LYPD6B: variants seen among roughly 807,000 people sequenced by gnomAD.
LYPD6B encodes LY6/PLAUR domain containing 6B.
In LYPD6B, 17 loss-of-function variants were observed where a neutral mutation model predicts 22.8. The ratio of observed to expected loss-of-function variants is 0.75; its 90% CI spans 0.51 to 1.12. The LOEUF (loss-of-function observed/expected upper bound fraction) is 1.12, where lower values mean the gene tolerates loss of function less well. Among genes scored for constraint, LYPD6B ranks in the 50% most tolerant of loss-of-function variants. The probability of loss-of-function intolerance (pLI) is 0.00; values close to 1 mark genes in which losing one functional copy is unlikely to be tolerated. For synonymous variants in LYPD6B, 106 were observed against 91.6 expected, an observed-to-expected ratio of 1.16 and a Z score of -0.90; for missense variants, 221 against 258.3, an observed-to-expected ratio of 0.86 and a Z score of 0.99.
At chr2:149,187,485 C>T (rs1692193670) in intron 3 of LYPD6B, 7 of 1,512,630 alleles carry the variant, frequency 4.6e-6, no homozygotes, top group Non-Finnish European at 6.2e-6. Flanking sequence ...AAAGGAAATG[C>T]AGAAGAGATA....
chr2:149,071,940 CT>C (rs370201272), intron 1 of LYPD6B, among the ~76,000 whole-genome samples: 2 of 151,082 alleles, frequency 1.3e-5, no homozygotes, highest in African/African-American at 4.9e-5. Flanking sequence ...TTTTACCCCC[CT>C]TTTTTTTTGA....
chr2:149,162,153 A>G (rs1690106080), intron 3 of LYPD6B, among the ~76,000 whole-genome samples: 1 of 152,184 alleles, frequency 6.6e-6, no homozygotes. Flanking sequence ...TGTCAGGATC[A>G]TCATCATCAT....
At chr2:149,073,930 G>T (rs147231525) in intron 1 of LYPD6B, among the ~76,000 whole-genome samples, 1 of 152,154 alleles carries the variant, frequency 6.6e-6, no homozygotes, top group Non-Finnish European at 1.5e-5. Flanking sequence ...GAAAGGAGAA[G>T]GAGGACAGAA....
intron 2 of LYPD6B, among the ~76,000 whole-genome samples, chr2:149,151,189 G>GT (rs1292154878): frequency 2.6e-5 from 4 of 152,228 alleles, no homozygotes; most frequent in Non-Finnish European, 5.9e-5. Context: ...GGGCTCTCCT[G>GT]TAGGCGCTGG....
intron 1 of LYPD6B, among the ~76,000 whole-genome samples, chr2:149,052,806 A>G (rs1466295853): frequency 1.3e-5 from 2 of 152,198 alleles, no homozygotes; most frequent in Non-Finnish European, 2.9e-5. Flanking sequence ...TAAAATAACA[A>G]TGTTCTTTTA....
At chr2:149,214,456 G>A in intron 6 of LYPD6B, 90 bp from the exon 7 acceptor site, 2 of 1,374,506 alleles carry the variant, frequency 1.5e-6, no homozygotes, top group Non-Finnish European at 2.0e-6. Context: ...TTCAGATAGA[G>A]CTCAAGAAGC....
intron 1 of LYPD6B, among the ~76,000 whole-genome samples, chr2:149,057,799 G>A (rs568134861): frequency 7.2e-5 from 11 of 152,270 alleles, no homozygotes; most frequent in African/African-American, 2.6e-4. Context: ...GCAGGTCATC[G>A]CAAGCCTCTG....
intron 3 of LYPD6B, among the ~76,000 whole-genome samples, chr2:149,182,953 T>C (rs1452729184): frequency 2.0e-5 from 3 of 152,248 alleles, no homozygotes; most frequent in African/African-American, 7.2e-5. Context: ...CTTCTTCATG[T>C]AAGTGGAAAT....
At chr2:149,067,046 G>A (rs944268170) in intron 1 of LYPD6B, among the ~76,000 whole-genome samples, 11 of 152,138 alleles carry the variant, frequency 7.2e-5, no homozygotes, top group African/African-American at 2.7e-4. Flanking sequence ...TCACTTCTAA[G>A]AGAGAATATG....
intron 1 of LYPD6B, among the ~76,000 whole-genome samples, chr2:149,120,029 T>C (rs538938683): frequency 6.6e-6 from 1 of 152,060 alleles, no homozygotes; most frequent in Admixed American, 6.6e-5. Flanking sequence ...GAATGGAGAC[T>C]GAAGTTAAAT....
chr2:149,143,098 T>A (rs1173651581), intron 2 of LYPD6B, among the ~76,000 whole-genome samples: 7 of 152,206 alleles, frequency 4.6e-5, no homozygotes, highest in Admixed American at 6.5e-5. Context: ...GCATAATCAT[T>A]CAGATTTCCT....
chr2:149,215,072 C>A lies in LYPD6B; in HGVS notation c.*362C>A. 4.3e-6 allele frequency: 1 copy of A among 229,964 alleles called. No individual in the cohort carries two copies. The highest frequency in any genetic ancestry group is 8.6e-6 in the Non-Finnish European group (1 of 115,668). The allele number at this position is 229,964 out of a possible 1,614,324, so 14.2% of individuals were successfully genotyped here. On this transcript the variant is annotated 3_prime_UTR_variant, in exon 7 of 7. Transcript: ENST00000409642. ...CTCAGAGGCTGCCAGGTCAAACCCTCTTGTTTATGTGATTAGCTCAGAGCA... is the reference window on the plus strand; with the variant it reads ...CTCAGAGGCTGCCAGGTCAAACCCTATTGTTTATGTGATTAGCTCAGAGCA...
intron 3 of LYPD6B, among the ~76,000 whole-genome samples, chr2:149,203,978 T>C (rs1209624242): frequency 6.6e-6 from 1 of 152,242 alleles, no homozygotes; most frequent in East Asian, 1.9e-4. Flanking sequence ...TGAAGGATTA[T>C]GCTTGTATAT....
At position 149,214,817 on chromosome 2, in the gene LYPD6B, T is replaced by C; in HGVS notation, c.*107T>C. 1 of 1,205,650 alleles carries C rather than the reference T, an allele frequency of 8.3e-7. No individual in the cohort carries two copies. The highest frequency in any genetic ancestry group is 1.2e-6 in the Non-Finnish European group (1 of 826,546). The allele number at this position is 1,205,650 out of a possible 1,614,324, so 74.7% of individuals were successfully genotyped here. ...GATCAATCTTGCACTTGGTGAAGAG[T>C]GCACATTGGACCTCAAGGCGAAAGC... is the stretch of plus-strand genomic sequence containing the variant. On this transcript the variant is annotated 3_prime_UTR_variant, in exon 7 of 7. Coordinates refer to ENST00000409642, the MANE Select transcript of LYPD6B (RefSeq NM_177964.5).
At chr2:149,211,102 G>C (rs941437588) in intron 5 of LYPD6B, among the ~76,000 whole-genome samples, 9 of 152,088 alleles carry the variant, frequency 5.9e-5, no homozygotes, top group Admixed American at 1.3e-4. Context: ...AGAAAGAGAG[G>C]GGGGAGGTGC....
intron 1 of LYPD6B, among the ~76,000 whole-genome samples, chr2:149,112,035 G>A (rs1024984309): frequency 3.3e-5 from 5 of 152,196 alleles, no homozygotes; most frequent in Admixed American, 3.3e-4. Context: ...CTTGACAAGG[G>A]CAGTCCGGTT....
intron 1 of LYPD6B, among the ~76,000 whole-genome samples, chr2:149,039,356 C>A (rs1298905144): frequency 6.6e-6 from 1 of 152,294 alleles, no homozygotes; most frequent in South Asian, 2.1e-4. Context: ...TGGGGCTTCT[C>A]AAAAGCCGGG....
At chr2:149,195,833 ACT>A (rs1575161456) in intron 3 of LYPD6B, among the ~76,000 whole-genome samples, 1 of 152,154 alleles carries the variant, frequency 6.6e-6, no homozygotes, top group Non-Finnish European at 1.5e-5. Flanking sequence ...TTTGCATAAA[ACT>A]CTCTGCAATA....
intron 2 of LYPD6B, among the ~76,000 whole-genome samples, chr2:149,134,078 G>A (rs1250965321): frequency 6.6e-6 from 1 of 152,064 alleles, no homozygotes; most frequent in East Asian, 1.9e-4. Context: ...GAATGCTGGC[G>A]GTATTATTTT....
Sources: allele counts gnomAD v4.1 joint callset (sites outside exome capture counted in the v4.1 genomes callset), GRCh38; gene constraint gnomAD v4.1.1; transcripts MANE v1.5; gene names NCBI Gene and HGNC (gene_info 2026-07-23, HGNC 2026-07-21).